The following SPTLC3 variants were observed in gnomAD, a reference collection of about 807,000 sequenced individuals.
The protein encoded by SPTLC3 is serine palmitoyltransferase long chain base subunit 3, also known as serine palmitoyltransferase 3.
A neutral mutation model predicts 59.3 loss-of-function variants in SPTLC3; 36 were observed. The ratio of observed to expected loss-of-function variants is 0.61; its 90% CI spans 0.47 to 0.80. The LOEUF is 0.80. SPTLC3 is among the 30% of genes least tolerant of loss of function. The pLI is 0.00. For missense variants in SPTLC3, 625 were observed against 685.1 expected (o/e 0.91, Z 0.98); for synonymous variants, 257 against 240.8 (o/e 1.07, Z -0.62).
intron 9 of SPTLC3, among the ~76,000 whole-genome samples, chr20:13,152,236 T>C (rs2038665393): frequency 6.6e-6 from 1 of 152,172 alleles, no homozygotes; most frequent in East Asian, 1.9e-4. Flanking sequence ...TACACTAATT[T>C]GGTTGTTGTG....
chr20:13,053,737 A>G (rs1185781882), intron 2 of SPTLC3, among the ~76,000 whole-genome samples: 1 of 152,118 alleles, frequency 6.6e-6, no homozygotes, highest in Non-Finnish European at 1.5e-5. Flanking sequence ...AAACTTCGTG[A>G]AGCATACACA....
chr20:13,111,474 C>T (rs1170902105), intron 7 of SPTLC3, among the ~76,000 whole-genome samples: 1 of 152,132 alleles, frequency 6.6e-6, no homozygotes, highest in East Asian at 1.9e-4. Flanking sequence ...TGGGACAGCC[C>T]CTACAACACA....
At chr20:13,049,164 T>C (rs1417641888) in intron 2 of SPTLC3, 34 bp downstream of exon 2, 1 of 1,602,550 alleles carries the variant, frequency 6.2e-7, no homozygotes, top group South Asian at 1.1e-5. Flanking sequence ...TCTTTGTCAA[T>C]GCCTACTCCT....
intron 9 of SPTLC3, among the ~76,000 whole-genome samples, chr20:13,153,523 T>G (rs886264117): frequency 1.3e-5 from 2 of 152,162 alleles, no homozygotes; most frequent in African/African-American, 4.8e-5. Context: ...AAATTCAGAT[T>G]GGATGAAGGA....
chr20:13,070,149 T>C (rs553882644), intron 2 of SPTLC3, among the ~76,000 whole-genome samples: 1 of 152,116 alleles, frequency 6.6e-6, no homozygotes, highest in East Asian at 1.9e-4. Context: ...ATATAAAGAG[T>C]ATAATTGATT....
At chr20:13,079,039 C>A (rs1568591718) in intron 4 of SPTLC3, among the ~76,000 whole-genome samples, 1 of 151,906 alleles carries the variant, frequency 6.6e-6, no homozygotes, top group South Asian at 2.1e-4. Flanking sequence ...AAATGGCAAA[C>A]ACCTAGGGAA....
intron 9 of SPTLC3, among the ~76,000 whole-genome samples, chr20:13,129,923 T>A (rs73085885): frequency 6.6e-6 from 1 of 152,116 alleles, no homozygotes; most frequent in Non-Finnish European, 1.5e-5. Flanking sequence ...ACTTTACTCC[T>A]CTTGTCATCT....
intron 9 of SPTLC3, among the ~76,000 whole-genome samples, chr20:13,127,676 C>G (rs1045991055): frequency 3.3e-5 from 5 of 152,256 alleles, no homozygotes; most frequent in African/African-American, 1.2e-4. Context: ...CATACTGATA[C>G]CCCCTGGGGC....
At chr20:13,154,867 AC>A (rs1475058292) in intron 10 of SPTLC3, among the ~76,000 whole-genome samples, 1 of 152,208 alleles carries the variant, frequency 6.6e-6, no homozygotes, top group Non-Finnish European at 1.5e-5. Context: ...ATGTAATTAT[AC>A]TAATTACATG....
At chr20:13,056,721 G>T (rs113780537) in intron 2 of SPTLC3, among the ~76,000 whole-genome samples, 1 of 147,828 alleles carries the variant, frequency 6.8e-6, no homozygotes, top group Non-Finnish European at 1.5e-5. Flanking sequence ...AAGTGCCACC[G>T]CACCCAGCCC....
At chr20:13,035,130 TA>T (rs1407197682) in intron 1 of SPTLC3, among the ~76,000 whole-genome samples, 1 of 152,172 alleles carries the variant, frequency 6.6e-6, no homozygotes, top group Non-Finnish European at 1.5e-5. Flanking sequence ...AACATCTCTC[TA>T]TGTACCATTT....
At chr20:13,098,822 G>A (rs6109697) in intron 6 of SPTLC3, among the ~76,000 whole-genome samples, 10,686 of 152,198 alleles carry the variant, frequency 0.07, 1,225 homozygotes, top group African/African-American at 0.24. Context: ...GAGTTATTAA[G>A]CAACTTGTCC....
chr20:13,128,466 C>T (rs2038044124), intron 9 of SPTLC3, among the ~76,000 whole-genome samples: 1 of 152,152 alleles, frequency 6.6e-6, no homozygotes, highest in South Asian at 2.1e-4. Context: ...GCTGCTTTCA[C>T]CTTAAGGGTT....
At chr20:13,163,759 T>C (rs1164847878) in intron 11 of SPTLC3, among the ~76,000 whole-genome samples, 1 of 152,094 alleles carries the variant, frequency 6.6e-6, no homozygotes, top group Non-Finnish European at 1.5e-5. Context: ...TTAACAACCC[T>C]CACCTTACCT....
chr20:13,061,491 G>A (rs189319738), intron 2 of SPTLC3, among the ~76,000 whole-genome samples: 96 of 152,206 alleles, frequency 6.3e-4, no homozygotes, highest in Non-Finnish European at 1.1e-3. Flanking sequence ...CCACCTGTGC[G>A]CTAGCTCACA....
intron 1 of SPTLC3, among the ~76,000 whole-genome samples, chr20:13,044,107 T>C (rs1299505861): frequency 8.3e-5 from 12 of 144,756 alleles, no homozygotes; most frequent in African/African-American, 1.8e-4. Context: ...TTTTTTTCTT[T>C]TTTTTTTTTT....
intron 9 of SPTLC3, among the ~76,000 whole-genome samples, chr20:13,130,023 G>C (rs960581502): frequency 5.3e-5 from 8 of 152,116 alleles, no homozygotes; most frequent in Admixed American, 4.6e-4. Flanking sequence ...ATATAGGACA[G>C]TTTATTTTCA....
Position 13,045,006 on chromosome 20 carries a change from C to T in SPTLC3, c.118-3939C>T, listed in dbSNP as rs1041370641. Among the ~76,000 whole-genome samples the T allele has an allele frequency of 4.3e-5, 4 of 93,148 alleles. No homozygotes were observed. In the South Asian group the frequency reaches 2.1e-3, roughly 48 times the overall value. 61.1% of individuals were successfully genotyped at this position (93,148 alleles called of 152,430 possible). A position where few individuals can be genotyped will look rare whatever the true frequency, so the allele number is the denominator to read the frequency against. On this transcript the variant is annotated intron_variant, in intron 1 of 11. Transcript: ENST00000399002. ...CATTTGTGTCCCCACCACACACACA[C>T]ACACACACACACACACACACACACA... is the stretch of plus-strand genomic sequence containing the variant.
chr20:13,162,504 T>C (rs574502909), intron 11 of SPTLC3, among the ~76,000 whole-genome samples: 2 of 152,082 alleles, frequency 1.3e-5, no homozygotes, highest in East Asian at 1.9e-4. Context: ...TAAGAGAAAA[T>C]GGAAAATGAC....
Sources: gnomAD v4.1 joint callset for allele counts (sites outside exome capture counted in the v4.1 genomes callset) on GRCh38, gnomAD v4.1.1 for gene constraint, MANE v1.5 for transcripts, NCBI Gene and HGNC (gene_info 2026-07-23, HGNC 2026-07-21) for gene names.